Variants in APBB2 observed in about 807,000 individuals in gnomAD.
The protein encoded by APBB2 is amyloid beta precursor protein binding family B member 2.
APBB2 carries 38 observed loss-of-function variants against 82.5 expected under a neutral mutation model. The observed-to-expected ratio is 0.46, with a 90% CI of 0.36 to 0.60. The LOEUF (loss-of-function observed/expected upper bound fraction) is 0.60, where lower values mean the gene tolerates loss of function less well. Ranked by LOEUF, APBB2 falls within the 20% of genes least tolerant of loss-of-function variation. APBB2 has a pLI of 0.00. For missense variants in APBB2, 772 were observed against 972.3 expected (o/e 0.79, Z 2.74); for synonymous variants, 341 against 368.2 (o/e 0.93, Z 0.85).
rs148917018 is a variant in APBB2 at position 40,898,880 on chromosome 4, C to CACACACACACACACAG, written c.1255-5470_1255-5469insCTGTGTGTGTGTGTGT. Among the ~76,000 whole-genome samples the CACACACACACACACAG allele has an allele frequency of 9.9e-3, 1,478 of 149,616 alleles. 25 individuals are homozygous for CACACACACACACACAG. The highest frequency in any genetic ancestry group is 0.034 in the African/African-American group (1,385 of 40,412). On this transcript the variant is annotated intron_variant, in intron 10 of 17. Coordinates refer to ENST00000508593, the MANE Select transcript of APBB2 (RefSeq NM_004307.2). ...TCACACACACACACACACACACACA[C>CACACACACACACACAG]AGAACACTGGGCCCCTTCCCCAGAG...
At chr4:40,869,346 CTGAG>C (rs1764833594) in intron 12 of APBB2, among the ~76,000 whole-genome samples, 2 of 152,056 alleles carry the variant, frequency 1.3e-5, no homozygotes, top group South Asian at 2.1e-4. Context: ...CTTTGGGAGG[CTGAG>C]TGAGGTAGGA....
chr4:40,908,046 G>T (rs1777532026), intron 10 of APBB2, among the ~76,000 whole-genome samples: 1 of 150,926 alleles, frequency 6.6e-6, no homozygotes, highest in South Asian at 2.1e-4. Context: ...GTATGGTGTG[G>T]GTGTGTGTGG....
At position 40,953,974 on chromosome 4, in the gene APBB2, G is replaced by C. The variant is rs376609380; in HGVS notation, c.836-8901C>G. Among the ~76,000 whole-genome samples the C allele has an allele frequency of 9.2e-5, 14 of 152,320 alleles. No homozygotes were observed. In the East Asian group the frequency reaches 2.5e-3, roughly 27 times the overall value. ...GTCTCTCTTGTGCTGGGAGCCTCTT[G>C]GGCCAAAAGCAATACTTGGCCTGAG... On this transcript the variant is annotated intron_variant, in intron 6 of 17. Transcript: ENST00000508593.
chr4:40,956,381 T>C (rs769636555), intron 6 of APBB2, among the ~76,000 whole-genome samples: 30 of 152,226 alleles, frequency 2.0e-4, no homozygotes, highest in South Asian at 1.0e-3. Flanking sequence ...CTGACTATGG[T>C]AAGAAAGGGA....
intron 3 of APBB2, among the ~76,000 whole-genome samples, chr4:41,078,477 AT>A (rs1295039693): frequency 6.6e-6 from 1 of 152,254 alleles, no homozygotes; most frequent in East Asian, 1.9e-4. Flanking sequence ...ATTTTCTACT[AT>A]AAACAAGGAA....
rs1744453451 is a variant in APBB2, at chr4:40,811,704, GCAAA to G, written c.*4384_*4387del. The G allele has an allele frequency of 6.6e-6, 1 of 152,068 alleles. No individual in the cohort carries two copies. The highest frequency in any genetic ancestry group is 6.5e-5 in the Admixed American group (1 of 15,268). 9.4% of individuals were successfully genotyped at this position (152,068 alleles called of 1,614,324 possible). On this transcript the variant is annotated 3_prime_UTR_variant, in exon 18 of 18. Coordinates refer to ENST00000508593, the MANE Select transcript of APBB2 (RefSeq NM_004307.2). ...TTACTAGTATTCAGATACTCCAATA[GCAAA>G]CACATTTTTAATCTGAAATTATTTA... is the stretch of plus-strand genomic sequence containing the variant.
intron 10 of APBB2, among the ~76,000 whole-genome samples, chr4:40,927,549 T>C (rs948118620): frequency 3.3e-5 from 5 of 152,164 alleles, no homozygotes; most frequent in Admixed American, 2.0e-4. Context: ...TGGCCGATCA[T>C]GGCTCACTGT....
At chr4:41,105,005 G>A (rs978554590) in intron 2 of APBB2, among the ~76,000 whole-genome samples, 25 of 152,052 alleles carry the variant, frequency 1.6e-4, no homozygotes, top group African/African-American at 5.8e-4. Flanking sequence ...AGCTTTCCTG[G>A]CATACCTGCA....
intron 3 of APBB2, among the ~76,000 whole-genome samples, 153 bp downstream of exon 3, chr4:41,100,486 G>GAA (rs1272017306): frequency 1.3e-5 from 2 of 151,570 alleles, no homozygotes; most frequent in African/African-American, 4.8e-5. Context: ...ACACAAAGAG[G>GAA]TTTCCTGAGT....
At chr4:40,915,747 A>C (rs751842470) in intron 10 of APBB2, among the ~76,000 whole-genome samples, 7 of 151,570 alleles carry the variant, frequency 4.6e-5, no homozygotes, top group Non-Finnish European at 1.0e-4. Flanking sequence ...CTCCAGGCTG[A>C]CTCCTGGGAT....
intron 2 of APBB2, among the ~76,000 whole-genome samples, chr4:41,112,715 C>T (rs981706392): frequency 4.6e-5 from 7 of 152,108 alleles, no homozygotes; most frequent in Admixed American, 3.9e-4. Flanking sequence ...TCAGGCCGGG[C>T]GTGGTGGCTG....
At chr4:41,004,836 CAAAAA>C (rs34941899) in intron 6 of APBB2, among the ~76,000 whole-genome samples, 3 of 49,258 alleles carry the variant, frequency 6.1e-5, no homozygotes, top group Non-Finnish European at 1.0e-4. Flanking sequence ...GACCCCATCT[CAAAAA>C]AAAAAAAAAA....
intron 6 of APBB2, among the ~76,000 whole-genome samples, chr4:40,957,891 C>A (rs1403349906): frequency 6.6e-6 from 1 of 152,192 alleles, no homozygotes; most frequent in Non-Finnish European, 1.5e-5. Flanking sequence ...GCCTCCACCT[C>A]ATATTCTCAT....
intron 10 of APBB2, among the ~76,000 whole-genome samples, chr4:40,933,230 A>T (rs906579835): frequency 6.6e-6 from 1 of 152,196 alleles, no homozygotes; most frequent in Non-Finnish European, 1.5e-5. Context: ...TTGTAAGTGC[A>T]AACCCTTACA....
chr4:41,210,197 AG>A lies in APBB2; in HGVS notation c.-417+4207del, dbSNP rs1403789676. 2.6e-5 allele frequency among the ~76,000 whole-genome samples: 4 copies of A among 152,288 alleles called. No individual in the cohort carries two copies. The East Asian group carries it at 5.8e-4, about 22-fold the overall frequency. Reference sequence around the variant, plus strand: ...CCACTGACCAGTTCAGGTCCGAAGCAGGGGGCTGGGGACCCCTGCTCTTAAA... The same window carrying A: ...CCACTGACCAGTTCAGGTCCGAAGCAGGGGCTGGGGACCCCTGCTCTTAAA... On this transcript the variant is annotated intron_variant, in intron 1 of 17. Coordinates refer to ENST00000508593, the MANE Select transcript of APBB2 (RefSeq NM_004307.2).
intron 1 of APBB2, among the ~76,000 whole-genome samples, chr4:41,201,838 G>C (rs1005066190): frequency 6.6e-6 from 1 of 152,182 alleles, no homozygotes; most frequent in African/African-American, 2.4e-5. Flanking sequence ...TATCTCCAAA[G>C]TGCAAGTCAG....
At chr4:40,910,545 C>T (rs1348492384) in intron 10 of APBB2, among the ~76,000 whole-genome samples, 1 of 152,110 alleles carries the variant, frequency 6.6e-6, no homozygotes, top group East Asian at 1.9e-4. Context: ...AGCTCCCAGC[C>T]CTAGTCTTGA....
At chr4:40,834,317 T>C (rs985672174) in intron 12 of APBB2, among the ~76,000 whole-genome samples, 1 of 152,190 alleles carries the variant, frequency 6.6e-6, no homozygotes, top group African/African-American at 2.4e-5. Context: ...TTCACTCTCA[T>C]GTAACATATC....
intron 6 of APBB2, among the ~76,000 whole-genome samples, chr4:40,958,141 A>T: frequency 6.6e-6 from 1 of 152,342 alleles, no homozygotes; most frequent in East Asian, 1.9e-4. Flanking sequence ...ATTAAGGTTA[A>T]TCATATGACC....
Sources: allele counts gnomAD v4.1 joint callset (sites outside exome capture counted in the v4.1 genomes callset), GRCh38; gene constraint gnomAD v4.1.1; transcripts MANE v1.5; gene names NCBI Gene and HGNC (gene_info 2026-07-23, HGNC 2026-07-21).